The following NDUFAF7 variants were observed in gnomAD, a reference collection of about 807,000 sequenced individuals.
NDUFAF7 encodes the protein protein arginine methyltransferase NDUFAF7, mitochondrial.
NDUFAF7 carries 48 observed loss-of-function variants against 47.2 expected under a neutral mutation model. That is an observed-to-expected ratio of 1.02 (90% CI 0.81 to 1.29). The LOEUF is 1.29. NDUFAF7 is among the 50% of genes most tolerant of loss of function. NDUFAF7 has a pLI of 0.00. For synonymous variants in NDUFAF7, 217 were observed against 190.0 expected (o/e 1.14, Z -1.17); for missense variants, 635 against 537.6 (o/e 1.18, Z -1.79).
At chr2:37,231,927 T>C in intron 1 of NDUFAF7, 167 bp downstream of exon 1, 1 of 1,595,040 alleles carries the variant, frequency 6.3e-7, no homozygotes. Context: ...TAGGGCTGCG[T>C]AGTCGTGGGC....
At chr2:37,239,805 T>C (rs1014075274) in intron 4 of NDUFAF7, among the ~76,000 whole-genome samples, 14 of 152,338 alleles carry the variant, frequency 9.2e-5, no homozygotes, top group East Asian at 3.9e-4. Flanking sequence ...TTAAACAATA[T>C]GTATTTGGTG....
At chr2:37,246,760 A>G (rs112725998) in intron 8 of NDUFAF7, among the ~76,000 whole-genome samples, 33,107 of 151,894 alleles carry the variant, frequency 0.22, 4,685 homozygotes, top group East Asian at 0.65. Flanking sequence ...TTAATTTCTA[A>G]CTTTATCTAA....
chr2:37,241,460 A>G lies in NDUFAF7; in HGVS notation c.409-118A>G. 4.7e-6 allele frequency: 4 copies of G among 856,942 alleles called. No individual in the cohort carries two copies. In the South Asian group the frequency reaches 6.0e-5, roughly 13 times the overall value. 53.1% of individuals were successfully genotyped at this position (856,942 alleles called of 1,614,324 possible). A position where few individuals can be genotyped will look rare whatever the true frequency, so the allele number is the denominator to read the frequency against. On this transcript the variant is annotated intron_variant, in intron 4 of 9. Coordinates refer to ENST00000002125, the MANE Select transcript of NDUFAF7 (RefSeq NM_144736.5). The stretch of plus-strand genomic sequence containing the variant: ...TGCTGGAGAGTGGCTTGGGTAAGGA[A>G]CACATCTCTCTGAAATATTACCTCT...
downstream of NDUFAF7, chr2:37,256,610 T>A: frequency 6.8e-7 from 1 of 1,461,704 alleles, no homozygotes; most frequent in Non-Finnish European, 9.0e-7. Context: ...ATGTTTAGGC[T>A]TAAAACACAT....
At chr2:37,236,498 C>T (rs1374752598) in intron 3 of NDUFAF7, among the ~76,000 whole-genome samples, 10 of 151,892 alleles carry the variant, frequency 6.6e-5, no homozygotes, top group South Asian at 2.1e-4. Flanking sequence ...AAGAAGGGGC[C>T]AGGCGTAGTG....
chr2:37,264,316 T>C, the NDUFAF7 span, among the ~76,000 whole-genome samples: 2 of 152,362 alleles, frequency 1.3e-5, no homozygotes, highest in Non-Finnish European at 2.9e-5. Flanking sequence ...TCATTAAATA[T>C]TAAATAAGAA....
chr2:37,258,689 T>C, the NDUFAF7 span, among the ~76,000 whole-genome samples: 2 of 152,196 alleles, frequency 1.3e-5, no homozygotes, highest in African/African-American at 2.4e-5. Context: ...CTCAAAATGA[T>C]AGGGAATCAC....
intron 2 of NDUFAF7, among the ~76,000 whole-genome samples, chr2:37,234,410 A>G (rs1665531103): frequency 6.6e-6 from 1 of 152,096 alleles, no homozygotes. Context: ...TTTTTTTAAT[A>G]CACTAGTAAA....
chr2:37,256,601 T>C, downstream of NDUFAF7: 3 of 1,435,584 alleles, frequency 2.1e-6, no homozygotes, highest in Non-Finnish European at 1.8e-6. Flanking sequence ...ATGAGAAAGA[T>C]GTTTAGGCTT....
the NDUFAF7 span, chr2:37,267,862 A>C: frequency 4.0e-6 from 1 of 250,754 alleles, no homozygotes; most frequent in African/African-American, 2.3e-5. Context: ...GTCAAGATGG[A>C]AATACTGTAT....
chr2:37,259,052 G>GGA, the NDUFAF7 span, among the ~76,000 whole-genome samples: 131 of 148,770 alleles, frequency 8.8e-4, 1 homozygote, highest in Admixed American at 3.9e-3. Context: ...TGAACACTTG[G>GGA]AAAAAAAAAA....
downstream of NDUFAF7, chr2:37,250,666 A>ATACT (rs1264586256): frequency 3.3e-5 from 5 of 152,082 alleles, no homozygotes; most frequent in Admixed American, 1.3e-4. Flanking sequence ...TTTTCTTTGG[A>ATACT]TACTTATACT....
rs748759294 is a variant in NDUFAF7 at position 37,248,245 on chromosome 2, G to A, written c.1221G>A (p.Leu407=). 6.2e-7 allele frequency: 1 copy of A among 1,613,936 alleles called. No individual in the cohort carries two copies. Among genetic ancestry groups the A allele is most frequent in the South Asian group, 1.1e-5 (1 of 91,086 alleles). Residue 407 remains leucine (L), a synonymous_variant, in exon 10 of 10, where the codon TTG becomes TTA. Coordinates refer to ENST00000002125, the MANE Select transcript of NDUFAF7 (RefSeq NM_144736.5). ...GAGAGAGATTTAACTTTTTTGCCTT[G>A]CTACCTCATCAGAGACTTCAAGGTG... ...KMGERFNFFA[L]LPHQRLQGGR...
At chr2:37,262,118 C>T in the NDUFAF7 span, among the ~76,000 whole-genome samples, 120 of 152,220 alleles carry the variant, frequency 7.9e-4, no homozygotes, top group East Asian at 9.1e-3. Flanking sequence ...GATATGACCC[C>T]GTCGCAAAAT....
chr2:37,232,166 C>T lies in NDUFAF7; in HGVS notation c.116C>T (p.Pro39Leu), dbSNP rs1183756759. ...FSSGNEPAEN[P>L]VTPMLRHLMY... ...TCCGGGAATGAGCCTGCAGAAAACC[C>T]GGTGACGCCGATGCTGCGGCATCTT... Residue 39 changes from proline (P) to leucine (L), a missense_variant, in exon 2 of 10, where the codon CCG (proline) becomes CTG (leucine). Coordinates refer to ENST00000002125, the MANE Select transcript of NDUFAF7 (RefSeq NM_144736.5). 2 of 1,614,176 alleles carry T rather than the reference C, an allele frequency of 1.2e-6. No individual in the cohort carries two copies. Among genetic ancestry groups the T allele is most frequent in the East Asian group, 2.2e-5 (1 of 44,890 alleles).
rs1666403060 is a variant in NDUFAF7, at chr2:37,242,031, C to A, written c.622+240C>A. Reference sequence around the variant, plus strand: ...AAAATCCCAAACAAAATGTAAATCTCCTTTGTACTTTTGAGTATTTCCCTA... The same window carrying A: ...AAAATCCCAAACAAAATGTAAATCTACTTTGTACTTTTGAGTATTTCCCTA... On this transcript the variant is annotated intron_variant, in intron 5 of 9. Transcript: ENST00000002125. 57 of 557,766 alleles carry A rather than the reference C, an allele frequency of 1.0e-4. No individual in the cohort carries two copies. In the East Asian group the frequency reaches 1.7e-3, roughly 17 times the overall value. The allele number at this position is 557,766 out of a possible 1,614,324, so 34.6% of individuals were successfully genotyped here. A position where few individuals can be genotyped will look rare whatever the true frequency, so the allele number is the denominator to read the frequency against.
intron 3 of NDUFAF7, among the ~76,000 whole-genome samples, chr2:37,236,832 G>C (rs1665837857): frequency 1.3e-5 from 2 of 151,740 alleles, no homozygotes; most frequent in African/African-American, 4.8e-5. Flanking sequence ...GGAAAGGCGA[G>C]GAAAGAGGTA....
the NDUFAF7 span, among the ~76,000 whole-genome samples, chr2:37,261,672 C>T: frequency 2.6e-3 from 388 of 152,130 alleles, 3 homozygotes; most frequent in African/African-American, 8.7e-3. Context: ...CCCAGCTACT[C>T]GGGAGGCTGA....
chr2:37,231,751 G>A lies in NDUFAF7; in HGVS notation c.46G>A (p.Ala16Thr), dbSNP rs1189576479. 4 of 1,614,208 alleles carry A rather than the reference G, an allele frequency of 2.5e-6. No individual in the cohort carries two copies. Among genetic ancestry groups the A allele is most frequent in the African/African-American group, 1.3e-5 (1 of 75,052 alleles). The change falls in exon 1 of 10, where the codon GCG (alanine) becomes ACG (threonine). Residue 16 changes from alanine (A) to threonine (T), a missense_variant. Ala to Thr is a moderately conservative substitution (Grantham distance 58). Coordinates refer to ENST00000002125, the MANE Select transcript of NDUFAF7 (RefSeq NM_144736.5). ...AGGTTTGGGGCCGTTGTGTGCCGTG[G>A]CGCGCGCAGGTAAGCGTCAGTCCCC... The part of the protein sequence containing the change: ...RSGLGPLCAV[A>T]RAAIPFIWRG...
Sources: gnomAD v4.1 joint callset for allele counts (sites outside exome capture counted in the v4.1 genomes callset) on GRCh38, gnomAD v4.1.1 for gene constraint, MANE v1.5 for transcripts, NCBI Gene and HGNC (gene_info 2026-07-23, HGNC 2026-07-21) for gene names.